The following AOPEP variants were observed in gnomAD, a reference collection of about 807,000 sequenced individuals.
AOPEP encodes aminopeptidase O (putative).
In AOPEP, 77 loss-of-function variants were observed where a neutral mutation model predicts 98.1. The ratio of observed to expected loss-of-function variants is 0.78; its 90% CI spans 0.65 to 0.95. The LOEUF is 0.95. Ranked by LOEUF, AOPEP falls within the 40% of genes least tolerant of loss-of-function variation. AOPEP has a pLI of 0.00. For synonymous variants in AOPEP, 346 were observed against 365.3 expected (o/e 0.95, Z 0.60); for missense variants, 1,024 against 1,024.7 (o/e 1.00, Z 0.01).
chr9:95,102,321 G>T, the AOPEP span, among the ~76,000 whole-genome samples: 37 of 152,178 alleles, frequency 2.4e-4, no homozygotes, highest in Admixed American at 1.9e-3. Context: ...CTAGCAACCG[G>T]ACCTACTTGC....
At chr9:94,808,872 C>G (rs990438403) in intron 5 of AOPEP, among the ~76,000 whole-genome samples, 2 of 152,256 alleles carry the variant, frequency 1.3e-5, no homozygotes, top group African/African-American at 4.8e-5. Flanking sequence ...TTGGCAGGTC[C>G]TAGTTTTTGA....
chr9:94,825,563 C>G (rs1373358746), intron 5 of AOPEP, among the ~76,000 whole-genome samples: 1 of 152,238 alleles, frequency 6.6e-6, no homozygotes, highest in Non-Finnish European at 1.5e-5. Context: ...AGCGCCCTCC[C>G]TAGGCGCTGT....
chr9:95,005,001 A>C (rs866502864), intron 11 of AOPEP, 157 bp from the exon 12 acceptor site: 3 of 162,924 alleles, frequency 1.8e-5, no homozygotes, highest in Admixed American at 6.8e-5. Flanking sequence ...GGTGATGCGG[A>C]CCCCGGGCGG....
chr9:94,845,473 G>A lies in AOPEP; in HGVS notation c.1364+44471G>A, dbSNP rs58496340. Among the ~76,000 whole-genome samples the A allele has an allele frequency of 6.4e-3, 971 of 152,276 alleles. 6 individuals are homozygous for A. Among genetic ancestry groups the A allele is most frequent in the African/African-American group, 0.023 (938 of 41,554 alleles). On this transcript the variant is annotated intron_variant, in intron 5 of 16. Transcript: ENST00000375315. ...AGTAAGGAGTAACACGATTTGAGGT[G>A]TGCCTTGAAAAGATCATGCTGGGTG...
intron 3 of AOPEP, among the ~76,000 whole-genome samples, chr9:94,788,442 G>A (rs1463804162): frequency 2.7e-5 from 4 of 149,908 alleles, no homozygotes; most frequent in African/African-American, 9.8e-5. Context: ...TATTATTTCT[G>A]TACATGTTAA....
At chr9:94,974,371 C>T (rs1015000986) in intron 10 of AOPEP, among the ~76,000 whole-genome samples, 2 of 152,186 alleles carry the variant, frequency 1.3e-5, no homozygotes, top group Non-Finnish European at 2.9e-5. Context: ...GGGTCAGAGT[C>T]CTCCTATGCT....
chr9:95,045,000 A>AT (rs914011754), intron 13 of AOPEP, among the ~76,000 whole-genome samples: 30 of 152,302 alleles, frequency 2.0e-4, no homozygotes, highest in African/African-American at 7.0e-4. Context: ...AGGGTGGCCC[A>AT]TTTTATATTC....
At chr9:94,746,649 T>C (rs180822648) in intron 1 of AOPEP, among the ~76,000 whole-genome samples, 136 of 152,310 alleles carry the variant, frequency 8.9e-4, no homozygotes, top group African/African-American at 2.9e-3. Flanking sequence ...ATCTTATCTT[T>C]GCAACCCAAA....
rs199890580 is a variant in AOPEP at position 95,082,657 on chromosome 9, G to A, written c.2402G>A (p.Arg801Gln). ...QQQLARRCFERTKEQMDRSSA... is the reference protein window; with the variant it reads ...QQQLARRCFEQTKEQMDRSSA... Reference sequence around the variant, plus strand: ...CAGCTCGCCCGTAGGTGCTTCGAGCGGACCAAGGAGCAGATGGATAGGTCC... The same window carrying A: ...CAGCTCGCCCGTAGGTGCTTCGAGCAGACCAAGGAGCAGATGGATAGGTCC... Residue 801 changes from arginine to glutamine, a missense_variant, in exon 16 of 17, where the codon CGG becomes CAG. This residue lies in a region of AOPEP where 566 missense variants were observed against 551.7 expected (regional missense o/e 1.03). Coordinates refer to ENST00000375315, the MANE Select transcript of AOPEP (RefSeq NM_001193329.3). 1.7e-4 allele frequency: 279 copies of A among 1,614,100 alleles called. No individual in the cohort carries two copies. The highest frequency in any genetic ancestry group is 2.8e-4 in the Admixed American group (17 of 60,010).
At chr9:94,752,845 A>G (rs944876304) in intron 1 of AOPEP, among the ~76,000 whole-genome samples, 2 of 152,196 alleles carry the variant, frequency 1.3e-5, no homozygotes, top group Admixed American at 6.5e-5. Flanking sequence ...TATGGTAGCA[A>G]TAATAACCAT....
At chr9:95,071,649 C>T (rs769265077) in intron 14 of AOPEP, among the ~76,000 whole-genome samples, 26 of 151,990 alleles carry the variant, frequency 1.7e-4, no homozygotes, top group African/African-American at 1.2e-4. Flanking sequence ...GTGGTGGCAC[C>T]GCAGCTCTTG....
rs145969368 is a variant in AOPEP, at chr9:95,082,656, C to T, written c.2401C>T (p.Arg801Trp). 6.4e-4 allele frequency: 1,025 copies of T among 1,614,166 alleles called. 1 individual carries two copies. The highest frequency in any genetic ancestry group is 7.8e-4 in the Non-Finnish European group (925 of 1,180,020). Reference sequence around the variant, plus strand: ...GCAGCTCGCCCGTAGGTGCTTCGAGCGGACCAAGGAGCAGATGGATAGGTC... The same window carrying T: ...GCAGCTCGCCCGTAGGTGCTTCGAGTGGACCAAGGAGCAGATGGATAGGTC... ...QQQLARRCFERTKEQMDRSSA... is the reference protein window; with the variant it reads ...QQQLARRCFEWTKEQMDRSSA... The change falls in exon 16 of 17, where the codon CGG (arginine) becomes TGG (tryptophan). Residue 801 changes from arginine to tryptophan, a missense_variant. Transcript: ENST00000375315.
chr9:94,889,346 C>T (rs2048612563), intron 5 of AOPEP, among the ~76,000 whole-genome samples: 1 of 151,982 alleles, frequency 6.6e-6, no homozygotes, highest in African/African-American at 2.4e-5. Flanking sequence ...AAGTTTGTTC[C>T]TTTTTACTGC....
At chr9:94,863,748 C>T (rs977962634) in intron 5 of AOPEP, among the ~76,000 whole-genome samples, 4 of 152,274 alleles carry the variant, frequency 2.6e-5, no homozygotes, top group East Asian at 1.9e-4. Flanking sequence ...AGGGTCAACT[C>T]ATAGTACATA....
chr9:94,756,623 C>T (rs955457437), intron 1 of AOPEP, among the ~76,000 whole-genome samples: 6 of 147,928 alleles, frequency 4.1e-5, no homozygotes, highest in Non-Finnish European at 9.0e-5. Flanking sequence ...AACACTTCTT[C>T]CCCACTTCTC....
intron 5 of AOPEP, among the ~76,000 whole-genome samples, chr9:94,808,615 A>G (rs1045752246): frequency 6.6e-6 from 1 of 152,256 alleles, no homozygotes; most frequent in African/African-American, 2.4e-5. Flanking sequence ...CCAAATCTGC[A>G]GTCATTGAAC....
At chr9:94,793,014 T>A in intron 4 of AOPEP, 96 bp downstream of exon 4, 1 of 1,356,740 alleles carries the variant, frequency 7.4e-7, no homozygotes, top group Non-Finnish European at 1.0e-6. Context: ...TGTGAGTCAT[T>A]CCTGCTGAGA....
At position 94,736,998 on chromosome 9, in the gene AOPEP, G is replaced by T. The variant is rs894792102; in HGVS notation, c.-136+10247G>T. ...CAGCCCTCCCAGCCATTCAGAGCTT[G>T]TCTAGAGAAATCTTATTCTTCCTTT... On this transcript the variant is annotated intron_variant, in intron 1 of 16. Coordinates refer to ENST00000375315, the MANE Select transcript of AOPEP (RefSeq NM_001193329.3). Among the ~76,000 whole-genome samples the T allele has an allele frequency of 4.4e-4, 67 of 152,192 alleles. 1 individual carries two copies. Among genetic ancestry groups the T allele is most frequent in the Non-Finnish European group, 1.2e-4 (8 of 68,044 alleles).
intron 13 of AOPEP, among the ~76,000 whole-genome samples, chr9:95,033,678 A>G (rs868160161): frequency 9.2e-5 from 14 of 152,322 alleles, no homozygotes; most frequent in Non-Finnish European, 1.6e-4. Flanking sequence ...TCTTTCATCA[A>G]AAAGGCCACA....
Sources: gnomAD v4.1 joint callset for allele counts (sites outside exome capture counted in the v4.1 genomes callset) on GRCh38, gnomAD v4.1.1 for gene constraint, gnomAD v4.1.1 regional missense constraint, MANE v1.5 for transcripts, NCBI Gene and HGNC (gene_info 2026-07-23, HGNC 2026-07-21) for gene names.